Variants in SV2C observed in about 807,000 individuals in gnomAD.
The protein encoded by SV2C is solute carrier family 22 member B3.
A neutral mutation model predicts 79.7 loss-of-function variants in SV2C; 49 were observed. The observed-to-expected ratio is 0.61, with a 90% CI of 0.49 to 0.78. SV2C has a LOEUF of 0.78. Among genes scored for constraint, SV2C ranks in the 30% least tolerant of loss-of-function variants. The pLI is 0.00. For synonymous variants in SV2C, 334 were observed against 333.2 expected (o/e 1.00, Z -0.03); for missense variants, 833 against 912.9 (o/e 0.91, Z 1.13).
intron 8 of SV2C, among the ~76,000 whole-genome samples, chr5:76,295,329 A>T (rs534444082): frequency 6.6e-6 from 1 of 152,050 alleles, no homozygotes; most frequent in South Asian, 2.1e-4. Context: ...GAGAGGCAGC[A>T]CCCTCGCACC....
the SV2C span, among the ~76,000 whole-genome samples, chr5:75,999,375 A>AAGAGAGAG: frequency 6.2e-3 from 836 of 134,768 alleles, 11 homozygotes; most frequent in South Asian, 0.016. Flanking sequence ...GGGAGGGAGA[A>AAGAGAGAG]AGAGAGAGAG....
chr5:76,033,089 G>C, the SV2C span, among the ~76,000 whole-genome samples: 1 of 151,918 alleles, frequency 6.6e-6, no homozygotes, highest in African/African-American at 2.4e-5. Flanking sequence ...CTTTTTGATG[G>C]GGTTGTTTGT....
At chr5:76,220,267 A>G (rs1473768325) in intron 4 of SV2C, among the ~76,000 whole-genome samples, 1 of 152,228 alleles carries the variant, frequency 6.6e-6, no homozygotes, top group African/African-American at 2.4e-5. Context: ...CACAATTTTG[A>G]AGTAGATACA....
At chr5:76,313,611 C>A (rs962229305) in intron 12 of SV2C, among the ~76,000 whole-genome samples, 1 of 152,138 alleles carries the variant, frequency 6.6e-6, no homozygotes, top group Non-Finnish European at 1.5e-5. Context: ...CATGAAAGGG[C>A]CATGTGCTTG....
At chr5:76,062,633 A>C in the SV2C span, among the ~76,000 whole-genome samples, 1 of 152,170 alleles carries the variant, frequency 6.6e-6, no homozygotes, top group Middle Eastern at 3.4e-3. Flanking sequence ...GAAAAAAAAA[A>C]AAAACTGTGT....
At chr5:75,850,221 A>C in the SV2C span, among the ~76,000 whole-genome samples, 1 of 152,214 alleles carries the variant, frequency 6.6e-6, no homozygotes. Flanking sequence ...TGTTAGACCA[A>C]CAAATGACTA....
chr5:76,198,037 T>C (rs977032311), intron 3 of SV2C, among the ~76,000 whole-genome samples: 1 of 152,184 alleles, frequency 6.6e-6, no homozygotes, highest in African/African-American at 2.4e-5. Flanking sequence ...TAGAATTTCC[T>C]CTGCCTTTTT....
the SV2C span, among the ~76,000 whole-genome samples, chr5:75,970,024 C>A: frequency 6.6e-6 from 1 of 152,104 alleles, no homozygotes; most frequent in Non-Finnish European, 1.5e-5. Context: ...GAAACTCACT[C>A]AAAACCGCTC....
chr5:76,049,324 G>GAAAA, the SV2C span, among the ~76,000 whole-genome samples: 2 of 107,048 alleles, frequency 1.9e-5, no homozygotes, highest in African/African-American at 3.4e-5. Context: ...GTGACAGAGC[G>GAAAA]AAAAAAAAAA....
the SV2C span, among the ~76,000 whole-genome samples, chr5:75,899,211 T>C: frequency 2.0e-5 from 3 of 152,252 alleles, no homozygotes; most frequent in Non-Finnish European, 4.4e-5. Flanking sequence ...CATTTAGTGC[T>C]ATAAATTTCC....
At chr5:75,991,586 C>T in the SV2C span, among the ~76,000 whole-genome samples, 57 of 103,754 alleles carry the variant, frequency 5.5e-4, no homozygotes, top group African/African-American at 1.8e-3. Flanking sequence ...TATATATATA[C>T]ACACATATAT....
the SV2C span, among the ~76,000 whole-genome samples, chr5:75,985,983 TTGTATC>T: frequency 6.6e-6 from 1 of 151,588 alleles, no homozygotes; most frequent in Non-Finnish European, 1.5e-5. Context: ...AATCACGTGT[TTGTATC>T]TGTATTCTCA....
At chr5:76,291,671 T>A in intron 7 of SV2C, 97 bp from the exon 8 acceptor site, 3 of 815,486 alleles carry the variant, frequency 3.7e-6, no homozygotes, top group Non-Finnish European at 5.9e-6. Context: ...TCCAACCCAA[T>A]GACAACTCAG....
chr5:75,911,210 C>T, the SV2C span: 3 of 1,587,036 alleles, frequency 1.9e-6, no homozygotes, highest in African/African-American at 1.3e-5. Flanking sequence ...CCTGCCCAGG[C>T]CCAGCCCTCT....
chr5:75,918,484 G>T, the SV2C span, among the ~76,000 whole-genome samples: 4 of 152,204 alleles, frequency 2.6e-5, no homozygotes, highest in African/African-American at 9.7e-5. Flanking sequence ...AGGCTCTAAG[G>T]GGGAAAAAGC....
At chr5:76,301,765 C>T (rs1234118784) in intron 12 of SV2C, among the ~76,000 whole-genome samples, 7 of 151,776 alleles carry the variant, frequency 4.6e-5, no homozygotes, top group African/African-American at 9.7e-5. Context: ...AAAAATTAGC[C>T]GGGTGTGGTG....
chr5:76,223,444 C>CATATATATAT (rs70979384), intron 4 of SV2C, among the ~76,000 whole-genome samples: 60 of 45,714 alleles, frequency 1.3e-3, no homozygotes, highest in South Asian at 2.2e-3. Context: ...TACATACATA[C>CATATATATAT]ATATATATAT....
At chr5:75,871,876 A>T in the SV2C span, among the ~76,000 whole-genome samples, 17 of 141,264 alleles carry the variant, frequency 1.2e-4, no homozygotes, top group Non-Finnish European at 2.4e-4. Flanking sequence ...TATTTTTATT[A>T]TTATTATTAT....
intron 3 of SV2C, among the ~76,000 whole-genome samples, chr5:76,208,386 C>T (rs971638721): frequency 1.1e-4 from 17 of 152,090 alleles, no homozygotes; most frequent in Admixed American, 3.9e-4. Context: ...TGAAAAGCAC[C>T]AGCCTAAGTG....
Sources: allele counts gnomAD v4.1 joint callset (sites outside exome capture counted in the v4.1 genomes callset), GRCh38; gene constraint gnomAD v4.1.1; transcripts MANE v1.5; gene names NCBI Gene and HGNC (gene_info 2026-07-23, HGNC 2026-07-21).